PSMB2: variants seen among roughly 807,000 people sequenced by gnomAD.
PSMB2 encodes the protein proteasome subunit beta type-2.
Under a neutral mutation model 25.7 loss-of-function variants are expected in PSMB2, and 13 were observed. That is an observed-to-expected ratio of 0.51 (90% CI 0.33 to 0.80). The LOEUF (loss-of-function observed/expected upper bound fraction) is 0.80, where lower values mean the gene tolerates loss of function less well. Among genes scored for constraint, PSMB2 ranks in the 30% least tolerant of loss-of-function variants. PSMB2 has a pLI of 0.02. For synonymous variants in PSMB2, 87 were observed against 96.2 expected, an observed-to-expected ratio of 0.90 and a Z score of 0.56; for missense variants, 202 against 259.0, an observed-to-expected ratio of 0.78 and a Z score of 1.51.
intron 2 of PSMB2, among the ~76,000 whole-genome samples, chr1:35,635,026 G>A (rs1055182020): frequency 6.6e-6 from 1 of 152,032 alleles, no homozygotes; most frequent in Non-Finnish European, 1.5e-5. Context: ...TTGGGAGGCC[G>A]AGGTGGGCAG....
intron 2 of PSMB2, among the ~76,000 whole-genome samples, chr1:35,633,499 G>A (rs1651159985): frequency 6.6e-6 from 1 of 152,060 alleles, no homozygotes; most frequent in African/African-American, 2.4e-5. Flanking sequence ...CACAGTTTTT[G>A]TCTGTGCACT....
chr1:35,608,432 T>C (rs1447927175), intron 4 of PSMB2, among the ~76,000 whole-genome samples: 1 of 151,856 alleles, frequency 6.6e-6, no homozygotes, highest in East Asian at 1.9e-4. Flanking sequence ...TATACCACTG[T>C]AAAATTACTA....
In PSMB2 at chr1:35,603,106, TA is replaced by T; in HGVS notation, c.*160del. The T allele has an allele frequency of 1.4e-6, 2 of 1,410,230 alleles. No individual in the cohort carries two copies. Among genetic ancestry groups the T allele is most frequent in the Non-Finnish European group, 1.8e-6 (2 of 1,083,138 alleles). 87.4% of individuals were successfully genotyped at this position (1,410,230 alleles called of 1,614,324 possible). On this transcript the variant is annotated 3_prime_UTR_variant, in exon 6 of 6. Coordinates refer to ENST00000373237, the MANE Select transcript of PSMB2 (RefSeq NM_002794.5). ...TCCCTCCATATCCTTTCTGAGGTAATATTAGGTAAACTGAGACCTGGACCAG... is the reference window on the plus strand; with the variant it reads ...TCCCTCCATATCCTTTCTGAGGTAATTTAGGTAAACTGAGACCTGGACCAG...
intron 3 of PSMB2, among the ~76,000 whole-genome samples, chr1:35,628,377 A>G (rs1225201903): frequency 2.0e-5 from 3 of 151,594 alleles, no homozygotes; most frequent in Non-Finnish European, 4.4e-5. Context: ...GATATTTATG[A>G]CACAGTATTT....
In PSMB2 at chr1:35,601,976, A is replaced by T. The variant is rs1368831138; in HGVS notation, c.*1291T>A. The T allele has an allele frequency of 2.3e-6, 2 of 883,264 alleles. No individual in the cohort carries two copies. Among genetic ancestry groups the T allele is most frequent in the Non-Finnish European group, 2.7e-6 (2 of 737,128 alleles). The allele number at this position is 883,264 out of a possible 1,614,324, so 54.7% of individuals were successfully genotyped here. On this transcript the variant is annotated 3_prime_UTR_variant, in exon 6 of 6. Transcript: ENST00000373237. Reference sequence around the variant, plus strand: ...TGTCAACAAGAATAAGCATATCTATATGTATTGATATAAAACAATCTCTAA... The same window carrying T: ...TGTCAACAAGAATAAGCATATCTATTTGTATTGATATAAAACAATCTCTAA...
intron 5 of PSMB2, 140 bp downstream of exon 5, chr1:35,605,093 G>A (rs749733470): frequency 8.4e-6 from 6 of 717,006 alleles, no homozygotes; most frequent in Non-Finnish European, 1.4e-5. Context: ...CTCTATCCCT[G>A]GTAGCAACTT....
chr1:35,611,294 C>A (rs974532015), intron 3 of PSMB2, among the ~76,000 whole-genome samples: 1 of 152,102 alleles, frequency 6.6e-6, no homozygotes, highest in African/African-American at 2.4e-5. Context: ...CTGATTAACA[C>A]GGCCACTTGG....
At chr1:35,631,493 A>G (rs1651096534) in intron 2 of PSMB2, 149 bp from the exon 3 acceptor site, 1 of 1,450,582 alleles carries the variant, frequency 6.9e-7, no homozygotes, top group Non-Finnish European at 9.1e-7. Context: ...ATCCTACTCT[A>G]GTCCCTTTCC....
In PSMB2 at chr1:35,601,960, G is replaced by A. The variant is rs1222196207; in HGVS notation, c.*1307C>T. On this transcript the variant is annotated 3_prime_UTR_variant, in exon 6 of 6. Coordinates refer to ENST00000373237, the MANE Select transcript of PSMB2 (RefSeq NM_002794.5). ...TGGAAAATTATGCAACTGTCAACAA[G>A]AATAAGCATATCTATATGTATTGAT... is the stretch of plus-strand genomic sequence containing the variant. 1 of 934,460 alleles carries A rather than the reference G, an allele frequency of 1.1e-6. No homozygotes were observed. Among genetic ancestry groups the A allele is most frequent in the Non-Finnish European group, 1.3e-6 (1 of 783,752 alleles). The allele number at this position is 934,460 out of a possible 1,614,324, so 57.9% of individuals were successfully genotyped here. A position where few individuals can be genotyped will look rare whatever the true frequency, so the allele number is the denominator to read the frequency against.
chr1:35,611,294 C>G (rs974532015), intron 3 of PSMB2, among the ~76,000 whole-genome samples: 1 of 152,102 alleles, frequency 6.6e-6, no homozygotes, highest in Admixed American at 6.5e-5. Context: ...CTGATTAACA[C>G]GGCCACTTGG....
At chr1:35,629,868 G>C (rs1651038709) in intron 3 of PSMB2, among the ~76,000 whole-genome samples, 1 of 151,980 alleles carries the variant, frequency 6.6e-6, no homozygotes, top group East Asian at 1.9e-4. Context: ...GCAATCTCGA[G>C]ATAAAAATCC....
chr1:35,626,657 A>G (rs1458732667), intron 3 of PSMB2, among the ~76,000 whole-genome samples: 1 of 152,230 alleles, frequency 6.6e-6, no homozygotes, highest in African/African-American at 2.4e-5. Context: ...TTAACATAGT[A>G]TATATGTGCT....
At chr1:35,628,020 G>A (rs764421457) in intron 3 of PSMB2, among the ~76,000 whole-genome samples, 2 of 152,160 alleles carry the variant, frequency 1.3e-5, no homozygotes, top group African/African-American at 2.4e-5. Context: ...CAACTGGTGT[G>A]ACCATATAAA....
At chr1:35,612,041 G>A (rs1346364979) in intron 3 of PSMB2, among the ~76,000 whole-genome samples, 1 of 146,716 alleles carries the variant, frequency 6.8e-6, no homozygotes, top group Non-Finnish European at 1.5e-5. Flanking sequence ...TCCTAACATC[G>A]CCTGGAGATT....
At chr1:35,631,613 C>CA in intron 2 of PSMB2, 1 of 664,938 alleles carries the variant, frequency 1.5e-6, no homozygotes, top group Non-Finnish European at 2.1e-6. Context: ...TTAAACTATT[C>CA]ATTCATCAAC....
intron 2 of PSMB2, among the ~76,000 whole-genome samples, chr1:35,634,069 T>C (rs1420364607): frequency 4.6e-5 from 7 of 152,194 alleles, no homozygotes; most frequent in Admixed American, 3.3e-4. Flanking sequence ...TAGGGAGGTT[T>C]TCCCAGTGGA....
chr1:35,631,933 G>C (rs1003240558), intron 2 of PSMB2, among the ~76,000 whole-genome samples: 3 of 152,082 alleles, frequency 2.0e-5, no homozygotes, highest in Admixed American at 2.0e-4. Context: ...GCTGAGTGGA[G>C]AGGATCAATT....
In PSMB2 at chr1:35,603,205, GA is replaced by G. The variant is rs1650056943; in HGVS notation, c.*61del. ...ATCAAGAGTGCGCCTGAAAAGAGTA[GA>G]AAAAAATAAAGGAGCCCATCAAAAA... On this transcript the variant is annotated 3_prime_UTR_variant, in exon 6 of 6. Transcript: ENST00000373237. The G allele has an allele frequency of 2.5e-6, 4 of 1,579,554 alleles. No homozygotes were observed. Among genetic ancestry groups the G allele is most frequent in the Admixed American group, 2.0e-5 (1 of 50,346 alleles).
Position 35,636,978 on chromosome 1 carries a change from C to T in PSMB2, c.92-546G>A, listed in dbSNP as rs565261565. 5.9e-5 allele frequency among the ~76,000 whole-genome samples: 9 copies of T among 152,222 alleles called. No individual in the cohort carries two copies. In the South Asian group the frequency reaches 1.9e-3, roughly 32 times the overall value. ...TAAACCATCAGCATATTGTGTAATG[C>T]CAATTTCGGTTGGAGAATATACATG... On this transcript the variant is annotated intron_variant, in intron 1 of 5. Transcript: ENST00000373237.
Sources: gnomAD v4.1 joint callset for allele counts (sites outside exome capture counted in the v4.1 genomes callset) on GRCh38, gnomAD v4.1.1 for gene constraint, MANE v1.5 for transcripts, NCBI Gene and HGNC (gene_info 2026-07-23, HGNC 2026-07-21) for gene names.